The following ATP10A variants were observed in gnomAD, a reference collection of about 807,000 sequenced individuals.
ATP10A encodes phospholipid-transporting ATPase VA.
Under a neutral mutation model 147.8 loss-of-function variants are expected in ATP10A, and 111 were observed. That is an observed-to-expected ratio of 0.75 (90% CI 0.64 to 0.88). ATP10A has a LOEUF of 0.88. ATP10A is among the 40% of genes least tolerant of loss of function. The pLI, the probability that ATP10A is intolerant of heterozygous loss-of-function variation, is 0.00. For synonymous variants in ATP10A, 875 were observed against 841.6 expected (o/e 1.04, Z -0.69); for missense variants, 1,927 against 1,959.0 (o/e 0.98, Z 0.31).
intron 13 of ATP10A, among the ~76,000 whole-genome samples, chr15:25,698,970 A>G (rs1170032811): frequency 5.3e-5 from 8 of 152,188 alleles, no homozygotes; most frequent in African/African-American, 1.9e-4. Context: ...GTAGAGATAT[A>G]CCATGTTTAC....
intron 13 of ATP10A, among the ~76,000 whole-genome samples, chr15:25,695,822 A>G (rs1900306528): frequency 6.6e-6 from 1 of 152,136 alleles, no homozygotes; most frequent in Non-Finnish European, 1.5e-5. Flanking sequence ...CTAACCCCCC[A>G]AGGACTAACT....
At chr15:25,846,236 G>A (rs968747031) in intron 1 of ATP10A, among the ~76,000 whole-genome samples, 7 of 152,144 alleles carry the variant, frequency 4.6e-5, no homozygotes, top group African/African-American at 1.7e-4. Context: ...GGGCGGCGGT[G>A]ATGCTCACAA....
chr15:25,811,662 CA>C (rs1489418349), intron 1 of ATP10A, among the ~76,000 whole-genome samples: 1 of 152,160 alleles, frequency 6.6e-6, no homozygotes, highest in African/African-American at 2.4e-5. Context: ...AGTGAAAAAC[CA>C]CTTGTGAGAT....
intron 1 of ATP10A, among the ~76,000 whole-genome samples, chr15:25,832,889 T>C (rs1892421476): frequency 6.6e-6 from 1 of 152,192 alleles, no homozygotes; most frequent in Admixed American, 6.5e-5. Flanking sequence ...AATTTGATCA[T>C]TACAAACCGT....
intron 2 of ATP10A, among the ~76,000 whole-genome samples, chr15:25,739,321 T>C (rs1031797222): frequency 6.6e-5 from 10 of 152,200 alleles, no homozygotes; most frequent in African/African-American, 2.4e-4. Flanking sequence ...CTTAATCTGA[T>C]CATAGATACC....
intron 1 of ATP10A, among the ~76,000 whole-genome samples, chr15:25,800,884 T>G (rs1021098123): frequency 1.3e-5 from 2 of 152,146 alleles, no homozygotes; most frequent in African/African-American, 4.8e-5. Context: ...AGGAACCGAG[T>G]TCCCATAGAA....
chr15:25,852,655 T>A (rs1248053766), intron 1 of ATP10A, among the ~76,000 whole-genome samples: 3 of 152,180 alleles, frequency 2.0e-5, no homozygotes, highest in African/African-American at 7.2e-5. Flanking sequence ...GAAGAAAAAC[T>A]GAAGTCTGTC....
intron 1 of ATP10A, among the ~76,000 whole-genome samples, chr15:25,837,885 G>A (rs1448438520): frequency 6.6e-6 from 1 of 152,174 alleles, no homozygotes; most frequent in Non-Finnish European, 1.5e-5. Context: ...TGGGGAGGGG[G>A]AACTGGTGAC....
At chr15:25,788,470 C>T (rs1412740985) in intron 1 of ATP10A, among the ~76,000 whole-genome samples, 3 of 152,272 alleles carry the variant, frequency 2.0e-5, no homozygotes, top group Non-Finnish European at 2.9e-5. Flanking sequence ...GCTTCACGCT[C>T]TTCTGGCTGT....
rs765870814 is a variant in ATP10A, at chr15:25,680,205, G to C, written c.3782C>G (p.Pro1261Arg). The change falls in exon 20 of 21, where the codon CCT becomes CGT. Residue 1261 changes from proline (P) to arginine (R), a missense_variant. Transcript: ENST00000555815. ...SCATCYPPSN[P>R]YWTMQALLGD... ...CAGTAAGGCTTGCATAGTCCAGTAA[G>C]GGTTGGACGGAGGATAGCACGTGGC... is the stretch of plus-strand genomic sequence containing the variant. The C allele has an allele frequency of 1.5e-5, 24 of 1,614,010 alleles. No homozygotes were observed. Among genetic ancestry groups the C allele is most frequent in the Non-Finnish European group, 2.0e-5 (24 of 1,179,996 alleles).
intron 2 of ATP10A, among the ~76,000 whole-genome samples, chr15:25,777,770 TTTTC>T (rs1326004060): frequency 3.6e-5 from 4 of 111,170 alleles, no homozygotes; most frequent in Non-Finnish European, 7.1e-5. Context: ...TGGCAATTTT[TTTTC>T]TTTCTTTCTT....
chr15:25,809,531 A>G (rs1457700048), intron 1 of ATP10A, among the ~76,000 whole-genome samples: 1 of 152,206 alleles, frequency 6.6e-6, no homozygotes, highest in East Asian at 1.9e-4. Context: ...TACTTTATTC[A>G]AGAATGATAT....
chr15:25,716,091 C>A (rs1001450708), intron 9 of ATP10A, among the ~76,000 whole-genome samples: 5 of 152,212 alleles, frequency 3.3e-5, no homozygotes, highest in African/African-American at 1.2e-4. Flanking sequence ...CCTAAGTAGC[C>A]TCTGATCGAT....
chr15:25,753,098 C>T (rs941057960), intron 2 of ATP10A, among the ~76,000 whole-genome samples: 2 of 152,088 alleles, frequency 1.3e-5, no homozygotes, highest in South Asian at 2.1e-4. Flanking sequence ...GTGGTAAGAA[C>T]GTTTGAAATT....
rs896178015 is a variant in ATP10A, at chr15:25,863,194, G to A, written c.-98C>T. The stretch of plus-strand genomic sequence containing the variant: ...TCGCGGCCCGGGCGCGGCGGTGCGA[G>A]CTCCCCGCCTGCGGGACGCACGGAG... On this transcript the variant is annotated 5_prime_UTR_variant, in exon 1 of 21. Coordinates refer to ENST00000555815, the MANE Select transcript of ATP10A (RefSeq NM_024490.4). 2.3e-6 allele frequency: 2 copies of A among 866,762 alleles called. No individual in the cohort carries two copies. Among genetic ancestry groups the A allele is most frequent in the Non-Finnish European group, 2.8e-6 (2 of 702,866 alleles). The allele number at this position is 866,762 out of a possible 1,614,324, so 53.7% of individuals were successfully genotyped here. A position where few individuals can be genotyped will look rare whatever the true frequency, so the allele number is the denominator to read the frequency against.
intron 1 of ATP10A, among the ~76,000 whole-genome samples, chr15:25,806,816 T>C (rs28438934): frequency 0.54 from 81,918 of 152,038 alleles, 23,362 homozygotes; most frequent in East Asian, 0.8. Flanking sequence ...AGTTAAAGGT[T>C]AACACCCTTA....
At chr15:25,820,083 A>AT (rs1891816465) in intron 1 of ATP10A, among the ~76,000 whole-genome samples, 1 of 152,182 alleles carries the variant, frequency 6.6e-6, no homozygotes, top group Non-Finnish European at 1.5e-5. Context: ...TAAAAACAGC[A>AT]CTAAAGGAAG....
rs58272964 is a variant in ATP10A, at chr15:25,769,486, C to CA, written c.654+11532dup. The stretch of plus-strand genomic sequence containing the variant: ...TGGGTGACAGAGGGAGACTCTGTCT[C>CA]AAAAAAAAAAAAAAAAAAAAAAAAA... On this transcript the variant is annotated intron_variant, in intron 2 of 20. Transcript: ENST00000555815. 5.4e-3 allele frequency among the ~76,000 whole-genome samples: 294 copies of CA among 54,802 alleles called. 23 individuals carry two copies. The highest frequency in any genetic ancestry group is 0.047 in the East Asian group (68 of 1,462). 36.0% of individuals were successfully genotyped at this position (54,802 alleles called of 152,430 possible). A position where few individuals can be genotyped will look rare whatever the true frequency, so the allele number is the denominator to read the frequency against.
Position 25,748,232 on chromosome 15 carries a change from G to T in ATP10A, c.655-12091C>A, listed in dbSNP as rs571556931. Among the ~76,000 whole-genome samples, 71 of 152,256 alleles carry T rather than the reference G, an allele frequency of 4.7e-4. 1 individual carries two copies. Among genetic ancestry groups the T allele is most frequent in the African/African-American group, 1.7e-3 (70 of 41,552 alleles). Reference sequence around the variant, plus strand: ...CAGCCTTGGCCTCCCAAAGTGCTGGGATTACAGGTGTGAGCGGCCAAAAAT... The same window carrying T: ...CAGCCTTGGCCTCCCAAAGTGCTGGTATTACAGGTGTGAGCGGCCAAAAAT... On this transcript the variant is annotated intron_variant, in intron 2 of 20. Transcript: ENST00000555815.
Sources: gnomAD v4.1 joint callset for allele counts (sites outside exome capture counted in the v4.1 genomes callset) on GRCh38, gnomAD v4.1.1 for gene constraint, MANE v1.5 for transcripts, NCBI Gene and HGNC (gene_info 2026-07-23, HGNC 2026-07-21) for gene names.